DEAF1: variants seen among roughly 807,000 people sequenced by gnomAD.
DEAF1 encodes the protein DEAF1 transcription factor.
In DEAF1, 53 loss-of-function variants were observed where a neutral mutation model predicts 58.9. That is an observed-to-expected ratio of 0.90 (90% CI 0.72 to 1.13). The LOEUF (loss-of-function observed/expected upper bound fraction) is 1.13. Among genes scored for constraint, DEAF1 ranks in the 50% most tolerant of loss-of-function variants. The pLI, the probability that DEAF1 is intolerant of heterozygous loss-of-function variation, is 0.00. For synonymous variants in DEAF1, 385 were observed against 340.4 expected (o/e 1.13, Z -1.44); for missense variants, 685 against 791.4 (o/e 0.87, Z 1.61).
intron 6 of DEAF1, among the ~76,000 whole-genome samples, chr11:681,776 G>A (rs1308836344): frequency 6.6e-6 from 1 of 152,046 alleles, no homozygotes. Flanking sequence ...AGTGTCTTCA[G>A]ACCTTCCATG....
chr11:660,897 G>A (rs890985179), intron 10 of DEAF1, among the ~76,000 whole-genome samples: 2 of 152,140 alleles, frequency 1.3e-5, no homozygotes, highest in African/African-American at 4.8e-5. Context: ...TTACGGTGTT[G>A]GGAGAGGCCC....
At chr11:675,127 G>T (rs1001017528) in intron 9 of DEAF1, among the ~76,000 whole-genome samples, 11 of 151,910 alleles carry the variant, frequency 7.2e-5, no homozygotes, top group African/African-American at 2.4e-4. Context: ...AGAGCTTGCA[G>T]TGAACAGAGA....
chr11:679,522 C>T (rs1860243783), intron 8 of DEAF1, among the ~76,000 whole-genome samples, 166 bp downstream of exon 8: 1 of 152,226 alleles, frequency 6.6e-6, no homozygotes, highest in Admixed American at 6.5e-5. Context: ...CCACACTGCA[C>T]CGCCCACCTG....
At chr11:661,071 G>A (rs1859300237) in intron 10 of DEAF1, among the ~76,000 whole-genome samples, 1 of 152,134 alleles carries the variant, frequency 6.6e-6, no homozygotes, top group African/African-American at 2.4e-5. Flanking sequence ...ACCCTTCTGT[G>A]CTGTACTATA....
At chr11:699,270 T>C (rs568849320), upstream of DEAF1, 3 of 269,160 alleles carry the variant, frequency 1.1e-5, no homozygotes, top group South Asian at 1.5e-4. Flanking sequence ...TCACCCAGGC[T>C]GGAGTGTGGC....
At chr11:705,671 C>T (rs1861680891) in intron 1 of DEAF1, among the ~76,000 whole-genome samples, 1 of 152,156 alleles carries the variant, frequency 6.6e-6, no homozygotes, top group South Asian at 2.1e-4. Flanking sequence ...GAAGCCTCTG[C>T]CCCTGGGCCT....
chr11:695,519 A>T, upstream of DEAF1: 1 of 998,596 alleles, frequency 1.0e-6, no homozygotes, highest in Non-Finnish European at 1.3e-6. Flanking sequence ...GAGAGAGCTT[A>T]GTGCCGCGGG....
chr11:701,345 C>T (rs1456769134), intron 1 of DEAF1, among the ~76,000 whole-genome samples: 6 of 151,312 alleles, frequency 4.0e-5, no homozygotes, highest in South Asian at 2.1e-4. Context: ...CCTGCCACCA[C>T]GCCCAGCTAA....
At chr11:697,299 T>G (rs2097164151), upstream of DEAF1, among the ~76,000 whole-genome samples, 2 of 152,212 alleles carry the variant, frequency 1.3e-5, no homozygotes, top group South Asian at 4.1e-4. Context: ...TAACACATCT[T>G]GTCCATTACA....
At chr11:664,073 C>T (rs1406682623) in intron 10 of DEAF1, among the ~76,000 whole-genome samples, 2 of 151,940 alleles carry the variant, frequency 1.3e-5, no homozygotes, top group African/African-American at 4.8e-5. Flanking sequence ...ATTAGCCAGG[C>T]GTGGTGGCAC....
In DEAF1 at chr11:688,315, G is replaced by A. The variant is rs769481120; in HGVS notation, c.517+16C>T. 84 of 1,611,952 alleles carry A rather than the reference G, an allele frequency of 5.2e-5. No individual in the cohort carries two copies. The East Asian group carries it at 1.7e-3, about 33-fold the overall frequency. ...ACGTGTTTTGCCCGAGGCCTGGGGT[G>A]CAGGCACCGCTGTACCTGGGGTGAG... On this transcript the variant is annotated intron_variant, in intron 3 of 11. Coordinates refer to ENST00000382409, the MANE Select transcript of DEAF1 (RefSeq NM_021008.4). The surrounding 1 kb of genome is among the most constrained non-coding windows in gnomAD (Gnocchi z 4.3).
chr11:702,002 G>T (rs943560793), intron 1 of DEAF1, among the ~76,000 whole-genome samples: 2 of 152,178 alleles, frequency 1.3e-5, no homozygotes, highest in African/African-American at 4.8e-5. Context: ...TTGTCCTGCC[G>T]TGGGGAACGC....
intron 11 of DEAF1, among the ~76,000 whole-genome samples, chr11:648,683 C>A (rs1371420573): frequency 6.6e-6 from 1 of 152,162 alleles, no homozygotes; most frequent in African/African-American, 2.4e-5. Flanking sequence ...TCAGCCTCTG[C>A]AGTACACTTT....
rs754069565 is a variant in DEAF1, at chr11:694,907, G to A, written c.141C>T (p.Asp47=). 5 of 1,490,768 alleles carry A rather than the reference G, an allele frequency of 3.4e-6. No homozygotes were observed. The East Asian group carries it at 8.6e-5, about 26-fold the overall frequency. The allele number at this position is 1,490,768 out of a possible 1,614,324, so 92.3% of individuals were successfully genotyped here. ...CCTCCGAGTCTGCGTCCTCCTCCGAGTCCTCGTCCCTGCTCAGCACCGGCT... is the reference window on the plus strand; with the variant it reads ...CCTCCGAGTCTGCGTCCTCCTCCGAATCCTCGTCCCTGCTCAGCACCGGCT... The part of the protein sequence containing the change: ...AEEPVLSRDE[D]SEEDADSEAE... Residue 47 remains aspartate, a synonymous_variant, in exon 1 of 12, where the codon GAC becomes GAT. Coordinates refer to ENST00000382409, the MANE Select transcript of DEAF1 (RefSeq NM_021008.4).
Position 678,720 on chromosome 11 carries a change from G to A in DEAF1, c.1229C>T (p.Ala410Val), listed in dbSNP as rs1308362441. 1.2e-6 allele frequency: 2 copies of A among 1,614,114 alleles called. No individual in the cohort carries two copies. Among genetic ancestry groups the A allele is most frequent in the Non-Finnish European group, 1.7e-6 (2 of 1,179,994 alleles). Residue 410 changes from alanine to valine, a missense_variant, in exon 9 of 12, where the codon GCG becomes GTG. Ala to Val is a moderately conservative substitution (Grantham distance 64). Coordinates refer to ENST00000382409, the MANE Select transcript of DEAF1 (RefSeq NM_021008.4). The part of the protein sequence containing the change: ...SCQIAPFPEA[A>V]LPTSHPKIVL... ...TATTTTGGGATGTGACGTTGGCAAC[G>A]CAGCTTCTGGAAACGGTGCGATCTG...
upstream of DEAF1, chr11:699,053 C>T (rs1303735099): frequency 1.0e-5 from 8 of 798,300 alleles, no homozygotes; most frequent in African/African-American, 1.0e-4. Context: ...GTAACTTCCT[C>T]GGATCAGTTC....
chr11:686,686 A>C (rs1860606937), intron 5 of DEAF1, among the ~76,000 whole-genome samples, 172 bp downstream of exon 5: 1 of 152,192 alleles, frequency 6.6e-6, no homozygotes, highest in African/African-American at 2.4e-5. Flanking sequence ...AAGACCCGGA[A>C]ACTGAAACAT....
At position 695,105 on chromosome 11, in the gene DEAF1, G is replaced by C. The variant is rs1213729151; in HGVS notation, c.-58C>G. The stretch of plus-strand genomic sequence containing the variant: ...TCCGGGACCGCCCGAAGCGCCGGTC[G>C]CGGAGCCCGAAGCGGGGCCCGAAGA... On this transcript the variant is annotated 5_prime_UTR_variant, in exon 1 of 12. Transcript: ENST00000382409. 2.2e-6 allele frequency: 3 copies of C among 1,382,362 alleles called. No individual in the cohort carries two copies. The highest frequency in any genetic ancestry group is 2.8e-6 in the Non-Finnish European group (3 of 1,066,172). The allele number at this position is 1,382,362 out of a possible 1,614,324, so 85.6% of individuals were successfully genotyped here.
At chr11:661,069 G>A (rs1337374900) in intron 10 of DEAF1, among the ~76,000 whole-genome samples, 1 of 152,140 alleles carries the variant, frequency 6.6e-6, no homozygotes, top group Non-Finnish European at 1.5e-5. Context: ...ATACCCTTCT[G>A]TGCTGTACTA....
Sources: gnomAD v4.1 joint callset for allele counts (sites outside exome capture counted in the v4.1 genomes callset) on GRCh38, gnomAD v4.1.1 for gene constraint, Gnocchi (gnomAD v3.1) non-coding constraint, MANE v1.5 for transcripts, NCBI Gene and HGNC (gene_info 2026-07-23, HGNC 2026-07-21) for gene names.